BEND3: variants seen among roughly 807,000 people sequenced by gnomAD.
The protein encoded by BEND3 is BEN domain-containing protein 3.
Under a neutral mutation model 60.1 loss-of-function variants are expected in BEND3, and 13 were observed. The ratio of observed to expected loss-of-function variants is 0.22; its 90% CI spans 0.14 to 0.34. BEND3 has a LOEUF of 0.34. BEND3 is among the 10% of genes least tolerant of loss of function. The pLI is 1.00. For missense variants in BEND3, 896 were observed against 1,138.1 expected (o/e 0.79, Z 3.06); for synonymous variants, 497 against 491.5 (o/e 1.01, Z -0.15).
At chr6:107,114,830 T>G (rs1440712533) in intron 1 of BEND3, among the ~76,000 whole-genome samples, 2 of 148,148 alleles carry the variant, frequency 1.3e-5, no homozygotes, top group Non-Finnish European at 3.0e-5. Context: ...GCCGCCGCGT[T>G]CCGAGCGGGC....
At chr6:107,108,809 T>C (rs761952891) in intron 1 of BEND3, among the ~76,000 whole-genome samples, 3 of 152,044 alleles carry the variant, frequency 2.0e-5, no homozygotes, top group African/African-American at 7.2e-5. Context: ...AGAGGGTTGA[T>C]TGATTGATTG....
At chr6:107,074,152 A>C (rs1252104248) in intron 3 of BEND3, among the ~76,000 whole-genome samples, 4 of 152,234 alleles carry the variant, frequency 2.6e-5, no homozygotes, top group African/African-American at 9.6e-5. Context: ...GCGGTGGCTC[A>C]TGCCTGTAAT....
intron 2 of BEND3, among the ~76,000 whole-genome samples, 173 bp from the exon 3 acceptor site, chr6:107,098,926 G>A (rs1009957998): frequency 1.2e-4 from 18 of 152,252 alleles, no homozygotes; most frequent in Non-Finnish European, 2.1e-4. Context: ...TTATCTCACC[G>A]CACTAGTGCT....
intron 3 of BEND3, among the ~76,000 whole-genome samples, chr6:107,083,363 T>C (rs1775271931): frequency 6.6e-6 from 1 of 152,300 alleles, no homozygotes; most frequent in East Asian, 1.9e-4. Flanking sequence ...CTCATGCCTG[T>C]AATCCCGGCA....
chr6:107,085,856 G>A (rs1471140577), intron 3 of BEND3, among the ~76,000 whole-genome samples: 7 of 149,172 alleles, frequency 4.7e-5, no homozygotes, highest in African/African-American at 1.5e-4. Flanking sequence ...GCCCGATCTC[G>A]GCTCACCGCA....
At chr6:107,099,066 A>C (rs4946810) in intron 2 of BEND3, among the ~76,000 whole-genome samples, 183 bp downstream of exon 2, 51,016 of 151,950 alleles carry the variant, frequency 0.34, 10,421 homozygotes, top group Admixed American at 0.57. Context: ...AATTTTTAAA[A>C]AGTGACACAA....
rs1162451200 is a variant in BEND3, at chr6:107,115,275, C to G, written c.-197G>C. On this transcript the variant is annotated 5_prime_UTR_variant, in exon 1 of 4. Coordinates refer to ENST00000369042, the MANE Select transcript of BEND3 (RefSeq NM_001367314.1). ...ATTTTCCCCTCTCTTTGTGTGTGTCCGTGCGCTGCGCTCTCGCGTGACGTG... is the reference window on the plus strand; with the variant it reads ...ATTTTCCCCTCTCTTTGTGTGTGTCGGTGCGCTGCGCTCTCGCGTGACGTG... The G allele has an allele frequency of 6.7e-6, 1 of 149,668 alleles. No individual in the cohort carries two copies. Among genetic ancestry groups the G allele is most frequent in the African/African-American group, 2.4e-5 (1 of 41,114 alleles). 9.3% of individuals were successfully genotyped at this position (149,668 alleles called of 1,614,324 possible). A position where few individuals can be genotyped will look rare whatever the true frequency, so the allele number is the denominator to read the frequency against.
Position 107,069,949 on chromosome 6 carries a change from G to A in BEND3, c.1242C>T (p.Leu414=). Residue 414 remains leucine, a synonymous_variant, in exon 4 of 4, where the codon CTC becomes CTT. Transcript: ENST00000369042. Reference sequence around the variant, plus strand: ...AGAGCTCGGGGAAGAGCCGGTGGAGGAGGAAGACGGCAAACTCGCCTGGTG... The same window carrying A: ...AGAGCTCGGGGAAGAGCCGGTGGAGAAGGAAGACGGCAAACTCGCCTGGTG... ...ASSPGEFAVF[L]LHRLFPELFD... 6.2e-7 allele frequency: 1 copy of A among 1,612,630 alleles called. No homozygotes were observed.
chr6:107,108,971 A>C (rs1554237953), intron 1 of BEND3, among the ~76,000 whole-genome samples: 2 of 152,006 alleles, frequency 1.3e-5, no homozygotes, highest in Non-Finnish European at 2.9e-5. Flanking sequence ...CACCTGGCTA[A>C]TTTTTGTATT....
At chr6:107,086,181 G>C (rs1775342975) in intron 3 of BEND3, among the ~76,000 whole-genome samples, 2 of 152,176 alleles carry the variant, frequency 1.3e-5, no homozygotes, top group African/African-American at 2.4e-5. Context: ...CCAGAAGGGA[G>C]ATACCCAACT....
chr6:107,068,991 G>T lies in BEND3; in HGVS notation c.2200C>A (p.Leu734Ile), dbSNP rs1774893480. The change falls in exon 4 of 4, where the codon CTC becomes ATC. Residue 734 changes from leucine (L) to isoleucine (I), a missense_variant. Physicochemically the swap from Leu to Ile is conservative, Grantham distance 5. Around this residue, in one of 4 missense-constraint regions of BEND3, gnomAD observed 846 missense variants for 1,036.7 expected, o/e 0.82. Coordinates refer to ENST00000369042, the MANE Select transcript of BEND3 (RefSeq NM_001367314.1). This position sits in a 1 kb window ranked among gnomAD's most constrained non-coding sequence, Gnocchi z 5.8. ...KEVREIVQQSLSVGNFAARLL... is the reference protein window; with the variant it reads ...KEVREIVQQSISVGNFAARLL... The stretch of plus-strand genomic sequence containing the variant: ...CGGGCGGCAAAGTTGCCCACGGAGA[G>T]GCTCTGCTGCACGATCTCACGCACC... The T allele has an allele frequency of 6.2e-7, 1 of 1,613,716 alleles. No homozygotes were observed. Among genetic ancestry groups the T allele is most frequent in the Admixed American group, 1.7e-5 (1 of 59,996 alleles).
chr6:107,073,226 T>TGTGAGC (rs1562300416), intron 3 of BEND3, among the ~76,000 whole-genome samples: 3 of 12,426 alleles, frequency 2.4e-4, no homozygotes, highest in Non-Finnish European at 4.5e-4. Flanking sequence ...TATATATATA[T>TGTGAGC]ATATATATAT....
At chr6:107,080,980 G>T (rs1479984851) in intron 3 of BEND3, among the ~76,000 whole-genome samples, 1 of 151,932 alleles carries the variant, frequency 6.6e-6, no homozygotes. Flanking sequence ...TTTATTTTTT[G>T]GCATGGGATC....
At chr6:107,105,335 C>T (rs1009517545) in intron 1 of BEND3, among the ~76,000 whole-genome samples, 5 of 149,130 alleles carry the variant, frequency 3.4e-5, no homozygotes, top group African/African-American at 5.0e-5. Context: ...CGCGCCACTG[C>T]ACTCCAGTCT....
rs947190330 is a variant in BEND3, at chr6:107,068,934, T to C, written c.2257A>G (p.Thr753Ala). ...LLVRLFPELF[T>A]AENLRLQYNH... ...TACTGCAGCCGGAGGTTCTCGGCGGTGAAGAGTTCGGGAAACAGGCGGACG... is the reference window on the plus strand; with the variant it reads ...TACTGCAGCCGGAGGTTCTCGGCGGCGAAGAGTTCGGGAAACAGGCGGACG... Residue 753 changes from threonine to alanine, a missense_variant, in exon 4 of 4, where the codon ACC becomes GCC. By Grantham distance (58) the Thr-to-Ala change is moderately conservative (BLOSUM62 0). Transcript: ENST00000369042. The surrounding 1 kb of genome is among the most constrained non-coding windows in gnomAD (Gnocchi z 5.8). 6.2e-7 allele frequency: 1 copy of C among 1,613,732 alleles called. No individual in the cohort carries two copies. Among genetic ancestry groups the C allele is most frequent in the Non-Finnish European group, 8.5e-7 (1 of 1,179,980 alleles).
Position 107,069,427 on chromosome 6 carries a change from G to A in BEND3, c.1764C>T (p.His588=), listed in dbSNP as rs150572392. 1.5e-4 allele frequency: 237 copies of A among 1,612,558 alleles called. No individual in the cohort carries two copies. In the African/African-American group the frequency reaches 2.8e-3, roughly 19 times the overall value. The part of the protein sequence containing the change: ...LVHLFPELFT[H]ENLRKQYNCS... ...AGTTGTACTGCTTGCGCAGGTTCTC[G>A]TGCGTGAAGAGCTCGGGGAACAGGT... Residue 588 remains histidine (H), a synonymous_variant, in exon 4 of 4, where the codon CAC becomes CAT. Transcript: ENST00000369042.
rs1030791244 is a variant in BEND3, at chr6:107,069,452, T to G, written c.1739A>C (p.His580Pro). ...IGNFASRLLV[H>P]LFPELFTHEN... Reference sequence around the variant, plus strand: ...GTGCGTGAAGAGCTCGGGGAACAGGTGCACCAGCAGGCGCGAGGCGAAGTT... The same window carrying G: ...GTGCGTGAAGAGCTCGGGGAACAGGGGCACCAGCAGGCGCGAGGCGAAGTT... The change falls in exon 4 of 4, where the codon CAC becomes CCC. Residue 580 changes from histidine to proline, a missense_variant. Coordinates refer to ENST00000369042, the MANE Select transcript of BEND3 (RefSeq NM_001367314.1). The G allele has an allele frequency of 1.9e-6, 3 of 1,611,912 alleles. No homozygotes were observed. The highest frequency in any genetic ancestry group is 2.5e-6 in the Non-Finnish European group (3 of 1,179,848).
chr6:107,074,686 G>T (rs1331536792), intron 3 of BEND3, among the ~76,000 whole-genome samples: 1 of 152,010 alleles, frequency 6.6e-6, no homozygotes, highest in Non-Finnish European at 1.5e-5. Flanking sequence ...CTTTAAAAAA[G>T]AAAGAAAAGA....
intron 3 of BEND3, among the ~76,000 whole-genome samples, chr6:107,081,880 GT>G (rs1246465320): frequency 6.6e-6 from 1 of 152,148 alleles, no homozygotes; most frequent in Non-Finnish European, 1.5e-5. Flanking sequence ...ATAAAAATGT[GT>G]TGAGTGAAAG....
Sources: gnomAD v4.1 joint callset for allele counts (sites outside exome capture counted in the v4.1 genomes callset) on GRCh38, gnomAD v4.1.1 for gene constraint, gnomAD v4.1.1 regional missense constraint, Gnocchi (gnomAD v3.1) non-coding constraint, MANE v1.5 for transcripts, NCBI Gene and HGNC (gene_info 2026-07-23, HGNC 2026-07-21) for gene names.